Variants in MOGAT3 observed in about 807,000 individuals in gnomAD.
MOGAT3 encodes the protein monoacylglycerol O-acyltransferase 3.
MOGAT3 carries 39 observed loss-of-function variants against 34.4 expected under a neutral mutation model. The observed-to-expected ratio is 1.13, with a 90% CI of 0.88 to 1.48. The LOEUF (loss-of-function observed/expected upper bound fraction) is 1.48, where lower values mean the gene tolerates loss of function less well. MOGAT3 is among the 40% of genes most tolerant of loss of function. The pLI, the probability that MOGAT3 is intolerant of heterozygous loss-of-function variation, is 0.00. For missense variants in MOGAT3, 439 were observed against 438.9 expected, an observed-to-expected ratio of 1.00 and a Z score of 0.00; for synonymous variants, 209 against 179.2, an observed-to-expected ratio of 1.17 and a Z score of -1.33.
Position 101,195,400 on chromosome 7 carries a change from A to G in MOGAT3, c.*546T>C, listed in dbSNP as rs903510352. On this transcript the variant is annotated 3_prime_UTR_variant, in exon 7 of 7. Coordinates refer to ENST00000223114, the MANE Select transcript of MOGAT3 (RefSeq NM_178176.4). ...CGGCTAATTTTTGTAGTTTTAGTAG[A>G]GAGGGGGTTTTGCCATTTTGGCCAG... 2.0e-5 allele frequency: 3 copies of G among 151,618 alleles called. No individual in the cohort carries two copies. The highest frequency in any genetic ancestry group is 7.4e-5 in the African/African-American group (3 of 40,588). 9.4% of individuals were successfully genotyped at this position (151,618 alleles called of 1,614,324 possible). A position where few individuals can be genotyped will look rare whatever the true frequency, so the allele number is the denominator to read the frequency against.
At chr7:101,192,899 C>T (rs1797711698), downstream of MOGAT3, among the ~76,000 whole-genome samples, 1 of 151,840 alleles carries the variant, frequency 6.6e-6, no homozygotes, top group Admixed American at 6.6e-5. Flanking sequence ...CGGTGAAACC[C>T]CATCTCTACT....
At chr7:101,196,742 A>G (rs1012270729) in intron 5 of MOGAT3, among the ~76,000 whole-genome samples, 1 of 152,028 alleles carries the variant, frequency 6.6e-6, no homozygotes, top group African/African-American at 2.4e-5. Flanking sequence ...GGAAGTGGGT[A>G]CCTGTAATTC....
downstream of MOGAT3, among the ~76,000 whole-genome samples, chr7:101,193,628 A>C (rs187199500): frequency 6.6e-6 from 1 of 151,852 alleles, no homozygotes; most frequent in Admixed American, 6.6e-5. Flanking sequence ...GGGGTTCACT[A>C]TGTTGGCCAG....
downstream of MOGAT3, among the ~76,000 whole-genome samples, chr7:101,193,628 A>G (rs187199500): frequency 2.0e-5 from 3 of 151,972 alleles, no homozygotes; most frequent in Non-Finnish European, 4.4e-5. Flanking sequence ...GGGGTTCACT[A>G]TGTTGGCCAG....
chr7:101,199,787 C>G (rs1008923461), intron 3 of MOGAT3, among the ~76,000 whole-genome samples: 3 of 151,704 alleles, frequency 2.0e-5, no homozygotes, highest in East Asian at 2.0e-4. Flanking sequence ...ACCAAGGCCC[C>G]GCTCTTGAAC....
intron 5 of MOGAT3, among the ~76,000 whole-genome samples, 169 bp from the exon 6 acceptor site, chr7:101,196,558 T>TTCTTTC (rs1238357803): frequency 6.6e-6 from 1 of 152,204 alleles, no homozygotes; most frequent in Non-Finnish European, 1.5e-5. Context: ...GGACTCGCAT[T>TTCTTTC]TCTTTCTCTT....
chr7:101,197,417 G>C (rs1180432455), intron 5 of MOGAT3, among the ~76,000 whole-genome samples: 1 of 151,968 alleles, frequency 6.6e-6, no homozygotes, highest in Non-Finnish European at 1.5e-5. Context: ...TGAACTCCTG[G>C]CTTCAAGTGA....
intron 3 of MOGAT3, 98 bp from the exon 4 acceptor site, chr7:101,198,928 T>C: frequency 8.8e-7 from 1 of 1,138,928 alleles, no homozygotes; most frequent in Non-Finnish European, 1.3e-6. Context: ...TTAAAGGTTC[T>C]TAGGATAGGG....
chr7:101,199,467 C>G (rs1797892193), intron 3 of MOGAT3, among the ~76,000 whole-genome samples: 1 of 152,112 alleles, frequency 6.6e-6, no homozygotes, highest in Non-Finnish European at 1.5e-5. Context: ...CATGTGCCAC[C>G]ATGTCCGGCT....
downstream of MOGAT3, among the ~76,000 whole-genome samples, chr7:101,193,032 C>CAGTCAGTCA (rs1797714066): frequency 6.6e-6 from 1 of 151,954 alleles, no homozygotes; most frequent in Non-Finnish European, 1.5e-5. Flanking sequence ...CAGCGGAGAT[C>CAGTCAGTCA]GCGCCACTGC....
intron 1 of MOGAT3, 89 bp downstream of exon 1, chr7:101,200,657 C>A (rs1797932566): frequency 1.5e-6 from 2 of 1,332,972 alleles, no homozygotes. Flanking sequence ...TCACTGTCCT[C>A]AGGCATGCAA....
chr7:101,196,449 C>G lies in MOGAT3; in HGVS notation c.669-60G>C, dbSNP rs73408441. The G allele has an allele frequency of 2.7e-3, 3,451 of 1,272,288 alleles. 77 individuals carry two copies. In the African/African-American group the frequency reaches 0.045, roughly 17 times the overall value. 78.8% of individuals were successfully genotyped at this position (1,272,288 alleles called of 1,614,324 possible). A position where few individuals can be genotyped will look rare whatever the true frequency, so the allele number is the denominator to read the frequency against. ...CTGCTGGACTGCTCCGAGATGGGCA[C>G]CCCCAGGGGCTACAAGTCCTTCCCA... On this transcript the variant is annotated intron_variant, in intron 5 of 6. Coordinates refer to ENST00000223114, the MANE Select transcript of MOGAT3 (RefSeq NM_178176.4).
downstream of MOGAT3, among the ~76,000 whole-genome samples, chr7:101,194,651 G>A (rs1333288214): frequency 2.0e-5 from 3 of 150,508 alleles, no homozygotes; most frequent in Admixed American, 6.7e-5. Flanking sequence ...ACAGGCGCCC[G>A]CCACCATGCC....
chr7:101,197,770 G>C (rs1037716577), intron 5 of MOGAT3, among the ~76,000 whole-genome samples: 2 of 152,056 alleles, frequency 1.3e-5, no homozygotes, highest in African/African-American at 4.8e-5. Flanking sequence ...AGTGGTGGTG[G>C]GCGCCTGTAG....
intron 5 of MOGAT3, among the ~76,000 whole-genome samples, chr7:101,196,974 C>G (rs1171699818): frequency 6.6e-6 from 1 of 151,956 alleles, no homozygotes; most frequent in African/African-American, 2.4e-5. Context: ...ACCACCCTGA[C>G]CAATATGGTG....
chr7:101,193,884 G>A (rs565557667), downstream of MOGAT3, among the ~76,000 whole-genome samples: 34 of 152,316 alleles, frequency 2.2e-4, 1 homozygote, highest in South Asian at 6.8e-3. Flanking sequence ...CAAATATAGG[G>A]CATTCCAATT....
chr7:101,200,541 A>T (rs1428482868), intron 1 of MOGAT3, 26 bp from the exon 2 acceptor site: 1 of 1,530,296 alleles, frequency 6.5e-7, no homozygotes, highest in Admixed American at 1.9e-5. Context: ...GAAAGAAAAG[A>T]GTTCACTTCT....
In MOGAT3 at chr7:101,195,533, CTTTTTTTTTT is replaced by C. The variant is rs60472873; in HGVS notation, c.*403_*412del. ...CCCAGCCTACTACAGCTTTAACAGT[CTTTTTTTTTT>C]TTTTTTTTTTTTTTTTGAGATTGAG... On this transcript the variant is annotated 3_prime_UTR_variant, in exon 7 of 7. Transcript: ENST00000223114. 1,078 of 53,806 alleles carry C rather than the reference CTTTTTTTTTT, an allele frequency of 0.02. 16 individuals are homozygous for C. The highest frequency in any genetic ancestry group is 0.026 in the Non-Finnish European group (849 of 33,026). The allele number at this position is 53,806 out of a possible 1,614,324, so 3.3% of individuals were successfully genotyped here.
chr7:101,198,729 C>G lies in MOGAT3; in HGVS notation c.390G>C (p.Glu130Asp). ...GGAAGAGCTGGGAGAAGCCATTGCT[C>G]TCGGTGGAGAAATTACAGAGGAAGC... ...CTGFLCNFSTESNGFSQLFPG... is the reference protein window; with the variant it reads ...CTGFLCNFSTDSNGFSQLFPG... The change falls in exon 4 of 7, where the codon GAG (glutamate) becomes GAC (aspartate). Residue 130 changes from glutamate (E) to aspartate (D), a missense_variant. Physicochemically the swap from Glu to Asp is conservative, Grantham distance 45. Coordinates refer to ENST00000223114, the MANE Select transcript of MOGAT3 (RefSeq NM_178176.4). 2 of 1,613,916 alleles carry G rather than the reference C, an allele frequency of 1.2e-6. No individual in the cohort carries two copies. The highest frequency in any genetic ancestry group is 1.7e-6 in the Non-Finnish European group (2 of 1,180,028).
Sources: gnomAD v4.1 joint callset for allele counts (sites outside exome capture counted in the v4.1 genomes callset) on GRCh38, gnomAD v4.1.1 for gene constraint, MANE v1.5 for transcripts, NCBI Gene and HGNC (gene_info 2026-07-23, HGNC 2026-07-21) for gene names.